The following SPATA13 variants were observed in gnomAD, a reference collection of about 807,000 sequenced individuals.
SPATA13 encodes the protein spermatogenesis-associated protein 13.
Under a neutral mutation model 104.0 loss-of-function variants are expected in SPATA13, and 50 were observed. The ratio of observed to expected loss-of-function variants is 0.48; its 90% CI spans 0.38 to 0.61. The LOEUF (loss-of-function observed/expected upper bound fraction) is 0.61. SPATA13 is among the 20% of genes least tolerant of loss of function. The probability of loss-of-function intolerance (pLI) is 0.00; values close to 1 mark genes in which losing one functional copy is unlikely to be tolerated. For missense variants in SPATA13, 1,524 were observed against 1,690.6 expected (o/e 0.90, Z 1.73); for synonymous variants, 606 against 667.5 (o/e 0.91, Z 1.42).
In SPATA13 at chr13:24,304,295, A is replaced by G. The variant is rs1489025064; in HGVS notation, c.*1522A>G. 3.9e-5 allele frequency: 6 copies of G among 152,216 alleles called. No individual in the cohort carries two copies. Among genetic ancestry groups the G allele is most frequent in the East Asian group, 1.9e-4 (1 of 5,196 alleles). The allele number at this position is 152,216 out of a possible 1,614,324, so 9.4% of individuals were successfully genotyped here. A position where few individuals can be genotyped will look rare whatever the true frequency, so the allele number is the denominator to read the frequency against. On this transcript the variant is annotated 3_prime_UTR_variant, in exon 13 of 13. Coordinates refer to ENST00000382108, the MANE Select transcript of SPATA13 (RefSeq NM_001166271.3). ...GATAATCATCTCCTTTTCTTTGTCT[A>G]TGTTGTACATTTTCATGATATAACT...
intron 3 of SPATA13, among the ~76,000 whole-genome samples, chr13:24,134,020 T>G (rs1490831151): frequency 6.6e-5 from 10 of 152,136 alleles, no homozygotes; most frequent in Admixed American, 6.5e-4. Context: ...CCAGAGGTTG[T>G]GCTAAGTGTG....
chr13:24,195,072 G>A (rs1232661115), intron 1 of SPATA13, among the ~76,000 whole-genome samples: 1 of 152,062 alleles, frequency 6.6e-6, no homozygotes, highest in Non-Finnish European at 1.5e-5. Context: ...TTAGCACCCC[G>A]CAAAGAAACC....
chr13:24,163,008 T>C (rs988268042), intron 1 of SPATA13, among the ~76,000 whole-genome samples: 1 of 152,192 alleles, frequency 6.6e-6, no homozygotes, highest in African/African-American at 2.4e-5. Flanking sequence ...CGGCTGTCCC[T>C]CAGAAAGCCT....
Position 24,223,045 on chromosome 13 carries a change from C to T in SPATA13, c.116C>T (p.Ala39Val). ...TGTGCAGGCTCGGACCTGAAAGACG[C>T]CAAGATGGTGACCTCCCTTGCGTGT... ...APCAGSDLKD[A>V]KMVTSLACGN... The change falls in exon 2 of 13, where the codon GCC becomes GTC. Residue 39 changes from alanine to valine, a missense_variant. By Grantham distance (64) the Ala-to-Val change is moderately conservative (BLOSUM62 0). Coordinates refer to ENST00000382108, the MANE Select transcript of SPATA13 (RefSeq NM_001166271.3). 6.4e-7 allele frequency: 1 copy of T among 1,551,744 alleles called. No homozygotes were observed. Among genetic ancestry groups the T allele is most frequent in the Non-Finnish European group, 8.7e-7 (1 of 1,147,004 alleles).
rs1192789218 is a variant in SPATA13 at position 24,189,715 on chromosome 13, GCA to G, written c.-112+28784_-112+28785del. 9.2e-5 allele frequency among the ~76,000 whole-genome samples: 2 copies of G among 21,628 alleles called. 1 individual carries two copies. The highest frequency in any genetic ancestry group is 2.8e-4 in the Non-Finnish European group (2 of 7,234). 14.2% of individuals were successfully genotyped at this position (21,628 alleles called of 152,430 possible). A position where few individuals can be genotyped will look rare whatever the true frequency, so the allele number is the denominator to read the frequency against. On this transcript the variant is annotated intron_variant, in intron 1 of 12. Coordinates refer to ENST00000382108, the MANE Select transcript of SPATA13 (RefSeq NM_001166271.3). ...AATATATAATATATTATATATAAAA[GCA>G]TATATAATATATAATATATTATATA...
intron 3 of SPATA13, among the ~76,000 whole-genome samples, chr13:24,053,535 A>G (rs1878437164): frequency 1.3e-5 from 2 of 152,140 alleles, no homozygotes; most frequent in Non-Finnish European, 2.9e-5. Context: ...GGTTGAATGC[A>G]CTTGGTATCT....
intron 5 of SPATA13, among the ~76,000 whole-genome samples, chr13:24,285,387 T>C (rs978447377): frequency 1.3e-5 from 2 of 152,178 alleles, no homozygotes; most frequent in African/African-American, 4.8e-5. Context: ...CTGTGACATC[T>C]AGTACGGCTG....
At chr13:24,097,340 T>C (rs1049573471) in intron 3 of SPATA13, among the ~76,000 whole-genome samples, 6 of 152,174 alleles carry the variant, frequency 3.9e-5, no homozygotes, top group African/African-American at 1.4e-4. Flanking sequence ...GTCATGCAAC[T>C]AGTAGGTGAC....
intron 3 of SPATA13, among the ~76,000 whole-genome samples, chr13:24,085,665 C>T (rs980029504): frequency 6.6e-6 from 1 of 152,224 alleles, no homozygotes; most frequent in Non-Finnish European, 1.5e-5. Flanking sequence ...TGGCCCGACT[C>T]CCTTTCCAGG....
At chr13:24,165,812 A>G (rs541963674) in intron 1 of SPATA13, among the ~76,000 whole-genome samples, 3 of 152,244 alleles carry the variant, frequency 2.0e-5, no homozygotes, top group Non-Finnish European at 4.4e-5. Flanking sequence ...TAATGCGACA[A>G]TTCAGTCTCA....
chr13:24,073,383 A>G (rs1566093380), intron 3 of SPATA13, among the ~76,000 whole-genome samples: 1 of 152,310 alleles, frequency 6.6e-6, no homozygotes, highest in South Asian at 2.1e-4. Context: ...TAATTTTGTT[A>G]CTTGTTTTCT....
At chr13:24,044,229 CTTTCTTTTT>C (rs1878044572) in intron 3 of SPATA13, among the ~76,000 whole-genome samples, 4 of 105,596 alleles carry the variant, frequency 3.8e-5, no homozygotes, top group Admixed American at 3.2e-4. Flanking sequence ...GTTTTTCTTT[CTTTCTTTTT>C]TTTTTTTTTT....
chr13:24,237,671 A>C (rs1350101100), intron 2 of SPATA13, among the ~76,000 whole-genome samples: 1 of 152,112 alleles, frequency 6.6e-6, no homozygotes, highest in Non-Finnish European at 1.5e-5. Flanking sequence ...ACCTAAAAAT[A>C]ATTAAAATGG....
chr13:24,064,223 A>G (rs1878872218), intron 3 of SPATA13, among the ~76,000 whole-genome samples: 1 of 152,212 alleles, frequency 6.6e-6, no homozygotes, highest in African/African-American at 2.4e-5. Context: ...CGTCAGTGTA[A>G]CAACAGACAA....
chr13:24,223,954 C>G lies in SPATA13; in HGVS notation c.1025C>G (p.Pro342Arg). The G allele has an allele frequency of 1.9e-6, 3 of 1,550,164 alleles. No individual in the cohort carries two copies. The highest frequency in any genetic ancestry group is 2.6e-6 in the Non-Finnish European group (3 of 1,146,086). Residue 342 changes from proline to arginine, a missense_variant, in exon 2 of 13, where the codon CCA (proline) becomes CGA (arginine). Around this residue, in one of 2 missense-constraint regions of SPATA13, gnomAD observed 1,089 missense variants for 1,135.9 expected, o/e 0.96. Coordinates refer to ENST00000382108, the MANE Select transcript of SPATA13 (RefSeq NM_001166271.3). ...WRRESPRSGA[P>R]SPGEASLRLQ... ...AGGGAGAGTCCTAGGAGTGGGGCCC[C>G]ATCCCCTGGAGAGGCCAGCCTGAGA... is the stretch of plus-strand genomic sequence containing the variant.
chr13:24,135,769 T>C (rs1881545797), intron 3 of SPATA13, among the ~76,000 whole-genome samples: 1 of 151,608 alleles, frequency 6.6e-6, no homozygotes, highest in Non-Finnish European at 1.5e-5. Context: ...TTTTTGCTAA[T>C]CCTTAGAATT....
intron 3 of SPATA13, among the ~76,000 whole-genome samples, chr13:24,095,894 A>T (rs1298438486): frequency 6.6e-6 from 1 of 152,180 alleles, no homozygotes; most frequent in Non-Finnish European, 1.5e-5. Flanking sequence ...CATCTCTCAG[A>T]CTTCCTTTAT....
At chr13:24,277,380 C>T (rs1476911847) in intron 4 of SPATA13, among the ~76,000 whole-genome samples, 1 of 144,188 alleles carries the variant, frequency 6.9e-6, no homozygotes, top group Non-Finnish European at 1.5e-5. Flanking sequence ...GGAGGCGGAG[C>T]TTGCAGTGAC....
At chr13:24,005,988 T>G (rs561562015) in intron 2 of SPATA13, among the ~76,000 whole-genome samples, 4 of 152,320 alleles carry the variant, frequency 2.6e-5, no homozygotes, top group Admixed American at 2.6e-4. Flanking sequence ...TTTGGACCCA[T>G]GCTTCGGGAT....
Sources: gnomAD v4.1 joint callset for allele counts (sites outside exome capture counted in the v4.1 genomes callset) on GRCh38, gnomAD v4.1.1 for gene constraint, gnomAD v4.1.1 regional missense constraint, MANE v1.5 for transcripts, NCBI Gene and HGNC (gene_info 2026-07-23, HGNC 2026-07-21) for gene names.